The following PREX1 variants were observed in gnomAD, a reference collection of about 807,000 sequenced individuals.
The protein encoded by PREX1 is phosphatidylinositol 3,4,5-trisphosphate-dependent Rac exchanger 1 protein.
In PREX1, 41 loss-of-function variants were observed where a neutral mutation model predicts 198.3. The ratio of observed to expected loss-of-function variants is 0.21; its 90% CI spans 0.16 to 0.27. The LOEUF is 0.27. Ranked by LOEUF, PREX1 falls within the 10% of genes least tolerant of loss-of-function variation. PREX1 has a pLI of 1.00. For synonymous variants in PREX1, 843 were observed against 887.2 expected (o/e 0.95, Z 0.89); for missense variants, 1,620 against 2,200.7 (o/e 0.74, Z 5.28).
chr20:48,649,148 T>C (rs2089472435), intron 25 of PREX1, 152 bp downstream of exon 25: 5 of 1,138,036 alleles, frequency 4.4e-6, no homozygotes, highest in South Asian at 3.3e-5. Context: ...TGGCAGCTAG[T>C]GGATAGACGA....
rs2089286131 is a variant in PREX1, at chr20:48,627,967, C to A, written c.4767-4G>T. On this transcript the variant is annotated splice_polypyrimidine_tract_variant and splice_region_variant and intron_variant, in intron 37 of 39. Coordinates refer to ENST00000371941, the MANE Select transcript of PREX1 (RefSeq NM_020820.4). Reference sequence around the variant, plus strand: ...CAGGGACACGCTCAGGGTGCTCCTGCAGCAGGGGAGGGAGGACAGCGGGTT... The same window carrying A: ...CAGGGACACGCTCAGGGTGCTCCTGAAGCAGGGGAGGGAGGACAGCGGGTT... 1.9e-6 allele frequency: 3 copies of A among 1,603,914 alleles called. No homozygotes were observed. Among genetic ancestry groups the A allele is most frequent in the South Asian group, 2.2e-5 (2 of 89,970 alleles).
chr20:48,661,476 C>CACAT (rs1335925809), intron 15 of PREX1, among the ~76,000 whole-genome samples: 16 of 91,098 alleles, frequency 1.8e-4, no homozygotes, highest in African/African-American at 8.4e-4. Context: ...TATACACACA[C>CACAT]ATATATATAA....
rs568024492 is a variant in PREX1 at position 48,758,200 on chromosome 20, G to A, written c.220-10320C>T. ...CACCATGAGGCCCCAGACAGACCGT[G>A]TGGAACGCACACCTCACAGCCACCC... On this transcript the variant is annotated intron_variant, in intron 1 of 39. Transcript: ENST00000371941. Among the ~76,000 whole-genome samples, 204 of 152,322 alleles carry A rather than the reference G, an allele frequency of 1.3e-3. 1 individual carries two copies. The highest frequency in any genetic ancestry group is 4.8e-3 in the African/African-American group (200 of 41,560).
chr20:48,799,295 G>A (rs2090375770), intron 1 of PREX1, among the ~76,000 whole-genome samples: 1 of 152,186 alleles, frequency 6.6e-6, no homozygotes, highest in Non-Finnish European at 1.5e-5. Flanking sequence ...GAGGGTGGCA[G>A]GAGCTTGCTG....
At chr20:48,638,140 T>C (rs1313183234) in intron 30 of PREX1, among the ~76,000 whole-genome samples, 1 of 151,944 alleles carries the variant, frequency 6.6e-6, no homozygotes, top group Non-Finnish European at 1.5e-5. Context: ...CCCAAGTGCA[T>C]GCCACACACA....
At chr20:48,792,374 G>A (rs947959903) in intron 1 of PREX1, among the ~76,000 whole-genome samples, 16 of 152,050 alleles carry the variant, frequency 1.1e-4, no homozygotes, top group African/African-American at 3.9e-4. Context: ...GGAGGCTGAG[G>A]CAGGAGAATC....
At chr20:48,697,312 G>A (rs558909805) in intron 7 of PREX1, among the ~76,000 whole-genome samples, 7 of 152,022 alleles carry the variant, frequency 4.6e-5, no homozygotes, top group African/African-American at 9.6e-5. Flanking sequence ...AAAGACAGGC[G>A]CAAACAGCTG....
chr20:48,757,418 C>T (rs568998521), intron 1 of PREX1, among the ~76,000 whole-genome samples: 2 of 152,334 alleles, frequency 1.3e-5, no homozygotes, highest in East Asian at 3.9e-4. Flanking sequence ...GACTGATGGT[C>T]AGCATGTTCG....
At position 48,827,435 on chromosome 20, in the gene PREX1, G is replaced by T. The variant is rs1568656735; in HGVS notation, c.219+207C>A. ...GGGAAGTGGAGTGCGGGAGAGCCCC[G>T]GTCGGAGCAGGACCGTGCGCCGGCC... On this transcript the variant is annotated intron_variant, in intron 1 of 39. Transcript: ENST00000371941. This position sits in a 1 kb window ranked among gnomAD's most constrained non-coding sequence, Gnocchi z 4.1. 6.6e-6 allele frequency among the ~76,000 whole-genome samples: 1 copy of T among 152,174 alleles called. No individual in the cohort carries two copies. The highest frequency in any genetic ancestry group is 1.5e-5 in the Non-Finnish European group (1 of 68,014).
the PREX1 span, among the ~76,000 whole-genome samples, chr20:48,876,180 A>G: frequency 1.3e-5 from 2 of 152,084 alleles, no homozygotes; most frequent in Admixed American, 1.3e-4. Context: ...CTGTAATCCT[A>G]TCCCCAGTCC....
chr20:48,692,745 G>T lies in PREX1; in HGVS notation c.963C>A (p.Asn321Lys). 6.2e-7 allele frequency: 1 copy of T among 1,614,092 alleles called. No individual in the cohort carries two copies. Among genetic ancestry groups the T allele is most frequent in the Non-Finnish European group, 8.5e-7 (1 of 1,180,000 alleles). ...KKSTKRTKSI[N>K]GSLYIFRGRI... Reference sequence around the variant, plus strand: ...GACCCCTGAAGATGTAGAGGGAGCCGTTGATGGATTTGGTCCTCTTGGTGG... The same window carrying T: ...GACCCCTGAAGATGTAGAGGGAGCCTTTGATGGATTTGGTCCTCTTGGTGG... Residue 321 changes from asparagine to lysine, a missense_variant, in exon 8 of 40, where the codon AAC becomes AAA. This residue lies in a region of PREX1 where 488 missense variants were observed against 802.5 expected (regional missense o/e 0.61). Coordinates refer to ENST00000371941, the MANE Select transcript of PREX1 (RefSeq NM_020820.4).
At chr20:48,759,124 T>C (rs2090167741) in intron 1 of PREX1, among the ~76,000 whole-genome samples, 1 of 152,096 alleles carries the variant, frequency 6.6e-6, no homozygotes, top group Non-Finnish European at 1.5e-5. Flanking sequence ...AGCCACCTGG[T>C]TCAAATCCTG....
chr20:48,816,704 G>A (rs1013338087), intron 1 of PREX1, among the ~76,000 whole-genome samples: 2 of 152,028 alleles, frequency 1.3e-5, no homozygotes, highest in Non-Finnish European at 1.5e-5. Context: ...TGGGGACCCC[G>A]GCTCCACAAT....
chr20:48,796,067 G>A lies in PREX1; in HGVS notation c.219+31575C>T, dbSNP rs2090361097. On this transcript the variant is annotated intron_variant, in intron 1 of 39. Transcript: ENST00000371941. Reference sequence around the variant, plus strand: ...GGCAACCAGGAACACGAAGGGGTAGGTTACCTCATCCACAATGCATTAATT... The same window carrying A: ...GGCAACCAGGAACACGAAGGGGTAGATTACCTCATCCACAATGCATTAATT... Among the ~76,000 whole-genome samples, 2 of 152,106 alleles carry A rather than the reference G, an allele frequency of 1.3e-5. 1 individual carries two copies. The highest frequency in any genetic ancestry group is 4.1e-4 in the South Asian group (2 of 4,828).
In PREX1 at chr20:48,639,762, C is replaced by T. The variant is rs6019339; in HGVS notation, c.3904+4G>A. On this transcript the variant is annotated splice_donor_region_variant and intron_variant, in intron 30 of 39. Coordinates refer to ENST00000371941, the MANE Select transcript of PREX1 (RefSeq NM_020820.4). ...ACCATGATGCACCCTCCCTGCCCAC[C>T]GACCTTCCACATATCTCTGAATGTT... is the stretch of plus-strand genomic sequence containing the variant. The T allele has an allele frequency of 0.28, 449,936 of 1,613,062 alleles. 67,605 individuals are homozygous for T. Among genetic ancestry groups the T allele is most frequent in the African/African-American group, 0.54 (40,659 of 74,900 alleles).
chr20:48,879,880 AGT>A, the PREX1 span, among the ~76,000 whole-genome samples: 1 of 152,194 alleles, frequency 6.6e-6, no homozygotes, highest in South Asian at 2.1e-4. Flanking sequence ...TGTCATTCCT[AGT>A]TGCAATCTGA....
chr20:48,744,145 G>A (rs1044481800), intron 3 of PREX1, among the ~76,000 whole-genome samples: 5 of 152,152 alleles, frequency 3.3e-5, no homozygotes, highest in Admixed American at 3.3e-4. Flanking sequence ...ATTATAGGAT[G>A]TTTGGTGGCA....
Position 48,645,941 on chromosome 20 carries a change from T to G in PREX1, c.3422A>C (p.His1141Pro), listed in dbSNP as rs753275404. The change falls in exon 26 of 40, where the codon CAT becomes CCT. Residue 1141 changes from histidine to proline, a missense_variant. This residue lies in a region of PREX1 where 514 missense variants were observed against 611.6 expected (regional missense o/e 0.84). Coordinates refer to ENST00000371941, the MANE Select transcript of PREX1 (RefSeq NM_020820.4). ...SEESEMDRSD[H>P]GGIKKVCFKV... Reference sequence around the variant, plus strand: ...GAAGCACACCTTCTTGATGCCCCCATGGTCACTCCTGTCCATCTCGCTCTC... The same window carrying G: ...GAAGCACACCTTCTTGATGCCCCCAGGGTCACTCCTGTCCATCTCGCTCTC... 6.2e-7 allele frequency: 1 copy of G among 1,614,056 alleles called. No homozygotes were observed. Among genetic ancestry groups the G allele is most frequent in the African/African-American group, 1.3e-5 (1 of 74,928 alleles).
At chr20:48,773,674 A>G (rs2090247708) in intron 1 of PREX1, among the ~76,000 whole-genome samples, 1 of 152,148 alleles carries the variant, frequency 6.6e-6, no homozygotes, top group Non-Finnish European at 1.5e-5. Flanking sequence ...AAGCTGAGAG[A>G]GGGCGAGGTG....
Sources: allele counts gnomAD v4.1 joint callset (sites outside exome capture counted in the v4.1 genomes callset), GRCh38; gene constraint gnomAD v4.1.1; regional missense constraint gnomAD v4.1.1; non-coding constraint Gnocchi (gnomAD v3.1); transcripts MANE v1.5; gene names NCBI Gene and HGNC (gene_info 2026-07-23, HGNC 2026-07-21).